SLC25A24: variants seen among roughly 807,000 people sequenced by gnomAD.
The protein encoded by SLC25A24 is mitochondrial adenyl nucleotide antiporter SLC25A24.
A neutral mutation model predicts 60.7 loss-of-function variants in SLC25A24; 49 were observed. That is an observed-to-expected ratio of 0.81 (90% CI 0.64 to 1.02). SLC25A24 has a LOEUF of 1.02. Ranked by LOEUF, SLC25A24 falls within the 50% of genes least tolerant of loss-of-function variation. The probability of loss-of-function intolerance (pLI) is 0.00; values close to 1 mark genes in which losing one functional copy is unlikely to be tolerated. For missense variants in SLC25A24, 564 were observed against 586.3 expected (o/e 0.96, Z 0.39); for synonymous variants, 202 against 200.6 (o/e 1.01, Z -0.06).
chr1:108,165,098 T>A (rs1095994), intron 3 of SLC25A24, among the ~76,000 whole-genome samples: 2 of 142,210 alleles, frequency 1.4e-5, no homozygotes, highest in African/African-American at 5.3e-5. Flanking sequence ...TGTAGTTGAG[T>A]GGTTTTGAGT....
At chr1:108,180,619 TC>T (rs1647886116) in intron 3 of SLC25A24, among the ~76,000 whole-genome samples, 1 of 2,416 alleles carries the variant, frequency 4.1e-4, no homozygotes, top group Non-Finnish European at 1.2e-3. Context: ...GAGAAAGATC[TC>T]TCTCTCTCTC....
At chr1:108,195,521 G>A (rs1030638337) in intron 1 of SLC25A24, among the ~76,000 whole-genome samples, 1 of 152,108 alleles carries the variant, frequency 6.6e-6, no homozygotes, top group African/African-American at 2.4e-5. Context: ...TATAAATCAG[G>A]AGAGAACACA....
chr1:108,187,274 A>G (rs902969070), intron 1 of SLC25A24, among the ~76,000 whole-genome samples: 4 of 152,160 alleles, frequency 2.6e-5, no homozygotes, highest in East Asian at 1.9e-4. Context: ...GTGACCCATC[A>G]TTGAGGCTTA....
At chr1:108,162,761 A>G (rs1174846773) in intron 3 of SLC25A24, among the ~76,000 whole-genome samples, 3 of 151,810 alleles carry the variant, frequency 2.0e-5, no homozygotes, top group African/African-American at 7.3e-5. Context: ...TCACTCTGAT[A>G]GTAGTTTCTT....
intron 3 of SLC25A24, among the ~76,000 whole-genome samples, chr1:108,168,539 A>T (rs922995748): frequency 5.3e-5 from 8 of 152,206 alleles, no homozygotes. Flanking sequence ...GGGTATTGAC[A>T]AACTTCCTAG....
At chr1:108,178,163 AAACAAC>A (rs55990865) in intron 3 of SLC25A24, among the ~76,000 whole-genome samples, 19 of 150,032 alleles carry the variant, frequency 1.3e-4, no homozygotes, top group Non-Finnish European at 1.2e-4. Context: ...TCCGTCTCAA[AAACAAC>A]AACAACAACA....
In SLC25A24 at chr1:108,157,582, T is replaced by G; in HGVS notation, c.549A>C (p.Glu183Asp). ...CGGATTTTTTTTCGTCTTCCGTGAATTCATCTGGAATAGTTAAGCTATCCC... is the reference window on the plus strand; with the variant it reads ...CGGATTTTTTTTCGTCTTCCGTGAAGTCATCTGGAATAGTTAAGCTATCCC... ...DIGDSLTIPD[E>D]FTEDEKKSGQ... The change falls in exon 5 of 10, where the codon GAA becomes GAC. Residue 183 changes from glutamate (E) to aspartate (D), a missense_variant. By Grantham distance (45) the Glu-to-Asp change is conservative. Transcript: ENST00000565488. 1.2e-6 allele frequency: 2 copies of G among 1,614,162 alleles called. No homozygotes were observed. The highest frequency in any genetic ancestry group is 1.7e-6 in the Non-Finnish European group (2 of 1,180,026).
intron 6 of SLC25A24, among the ~76,000 whole-genome samples, chr1:108,151,111 G>A (rs1357883562): frequency 1.3e-5 from 2 of 152,052 alleles, no homozygotes; most frequent in Non-Finnish European, 2.9e-5. Flanking sequence ...TGAGGCAGAA[G>A]AATCACTTGA....
At chr1:108,139,404 G>A (rs1450047156) in intron 8 of SLC25A24, among the ~76,000 whole-genome samples, 196 bp from the exon 9 acceptor site, 2 of 152,138 alleles carry the variant, frequency 1.3e-5, no homozygotes, top group African/African-American at 4.8e-5. Context: ...GAACACATGA[G>A]GTTTGCACCG....
chr1:108,167,424 T>C, intron 3 of SLC25A24, among the ~76,000 whole-genome samples: 1 of 152,188 alleles, frequency 6.6e-6, no homozygotes, highest in East Asian at 1.9e-4. Flanking sequence ...CTCAGACTGC[T>C]GTGCTAGCAA....
At chr1:108,160,508 G>A (rs1680038838) in intron 4 of SLC25A24, among the ~76,000 whole-genome samples, 1 of 152,036 alleles carries the variant, frequency 6.6e-6, no homozygotes, top group Non-Finnish European at 1.5e-5. Flanking sequence ...CCAGACGATG[G>A]GCGGCCAGGC....
chr1:108,156,244 G>C (rs976446968), intron 5 of SLC25A24, among the ~76,000 whole-genome samples: 3 of 152,108 alleles, frequency 2.0e-5, no homozygotes, highest in Non-Finnish European at 2.9e-5. Context: ...CCATAACCAG[G>C]GGTAATAAGC....
chr1:108,148,229 A>G (rs1231336608), intron 7 of SLC25A24, 50 bp downstream of exon 7: 2 of 1,087,230 alleles, frequency 1.8e-6, no homozygotes, highest in Admixed American at 1.7e-5. Context: ...AGAGCAATAG[A>G]CAACCAACAC....
intron 2 of SLC25A24, among the ~76,000 whole-genome samples, chr1:108,183,262 G>A (rs1647991874): frequency 1.3e-5 from 2 of 152,208 alleles, no homozygotes; most frequent in Non-Finnish European, 1.5e-5. Flanking sequence ...GGAAGGAGCA[G>A]CATGAGAATC....
chr1:108,183,601 T>C (rs749263020), intron 2 of SLC25A24, among the ~76,000 whole-genome samples: 2 of 152,208 alleles, frequency 1.3e-5, no homozygotes, highest in South Asian at 2.1e-4. Context: ...TTCACTAACA[T>C]TGAATTTGGG....
intron 6 of SLC25A24, among the ~76,000 whole-genome samples, chr1:108,150,091 T>C (rs957884275): frequency 2.6e-5 from 4 of 152,178 alleles, no homozygotes; most frequent in African/African-American, 9.7e-5. Flanking sequence ...GTCAAAATCA[T>C]TAAACATAAT....
At chr1:108,200,338 GGGTGTGGCCGTCCCGCC>G in exon 1 of SLC25A24, 1 of 308,622 alleles carries the variant, frequency 3.2e-6, no homozygotes, top group Non-Finnish European at 5.7e-6. Flanking sequence ...GCGGAGCGCA[GGGTGTGGCCGTCCCGCC>G]GCTGCTGGGG....
rs1172257968 is a variant in SLC25A24, at chr1:108,136,572, C to T, written c.*81G>A. On this transcript the variant is annotated 3_prime_UTR_variant, in exon 10 of 10. Transcript: ENST00000565488. ...AAAATGCAGCTTCTTTTGCCATAGA[C>T]TTGTTTCAATTCGAGGAGAAAAAGT... 2 of 1,247,772 alleles carry T rather than the reference C, an allele frequency of 1.6e-6. No individual in the cohort carries two copies. 77.3% of individuals were successfully genotyped at this position (1,247,772 alleles called of 1,614,324 possible). A position where few individuals can be genotyped will look rare whatever the true frequency, so the allele number is the denominator to read the frequency against.
chr1:108,143,818 C>G (rs530839300), intron 7 of SLC25A24, 108 bp from the exon 8 acceptor site: 3 of 826,248 alleles, frequency 3.6e-6, no homozygotes, highest in African/African-American at 3.4e-5. Flanking sequence ...TATTGTCACT[C>G]AAAAGACTGT....
Sources: allele counts gnomAD v4.1 joint callset (sites outside exome capture counted in the v4.1 genomes callset), GRCh38; gene constraint gnomAD v4.1.1; transcripts MANE v1.5; gene names NCBI Gene and HGNC (gene_info 2026-07-23, HGNC 2026-07-21).